The following NLRX1 variants were observed in gnomAD, a reference collection of about 807,000 sequenced individuals.
NLRX1 encodes NLR family member X1, also known as NOD-like receptor X1.
A neutral mutation model predicts 74.2 loss-of-function variants in NLRX1; 67 were observed. The ratio of observed to expected loss-of-function variants is 0.90; its 90% CI spans 0.74 to 1.11. The LOEUF (loss-of-function observed/expected upper bound fraction) is 1.11, where lower values mean the gene tolerates loss of function less well. Ranked by LOEUF, NLRX1 falls within the 50% of genes least tolerant of loss-of-function variation. NLRX1 has a pLI of 0.00. For missense variants in NLRX1, 1,191 were observed against 1,305.4 expected (o/e 0.91, Z 1.35); for synonymous variants, 506 against 559.1 (o/e 0.91, Z 1.34).
chr11:119,173,822 C>T lies in NLRX1; in HGVS notation c.573C>T (p.Phe191=), dbSNP rs201843637. 6.8e-5 allele frequency: 110 copies of T among 1,613,574 alleles called. No individual in the cohort carries two copies. In the East Asian group the frequency reaches 1.3e-3, roughly 19 times the overall value. ...LDWCYGRLPA[F]ELLIPFSCED... ...GGTGTTATGGGCGGCTGCCGGCCTT[C>T]GAGCTGCTCATCCCCTTCTCCTGTG... The change falls in exon 5 of 10, where the codon TTC becomes TTT. Residue 191 remains phenylalanine, a synonymous_variant. Transcript: ENST00000409109. The surrounding 1 kb of genome is among the most constrained non-coding windows in gnomAD (Gnocchi z 4.0).
rs1592326471 is a variant in NLRX1, at chr11:119,174,874, A to G, written c.1271A>G (p.Tyr424Cys). The G allele has an allele frequency of 6.2e-7, 1 of 1,614,068 alleles. No homozygotes were observed. ...TDPSNLSLMAYAARTMGKLAY... is the reference protein window; with the variant it reads ...TDPSNLSLMACAARTMGKLAY... The stretch of plus-strand genomic sequence containing the variant: ...CCCTCCAATTTGTCCCTGATGGCCT[A>G]TGCAGCCCGAACCATGGGCAAGTTG... Residue 424 changes from tyrosine to cysteine, a missense_variant, in exon 6 of 10, where the codon TAT (tyrosine) becomes TGT (cysteine). Transcript: ENST00000409109.
chr11:119,173,252 A>G lies in NLRX1; in HGVS notation c.230-227A>G, dbSNP rs1835053874. On this transcript the variant is annotated intron_variant, in intron 4 of 9. Transcript: ENST00000409109. This position sits in a 1 kb window ranked among gnomAD's most constrained non-coding sequence, Gnocchi z 4.0. ...GGTCAAGCAGGTTAAGACGGCACAT[A>G]GGTCACTGTGAAACCAGTTTGTCCA... The G allele has an allele frequency of 1.6e-6, 1 of 635,076 alleles. No individual in the cohort carries two copies. Among genetic ancestry groups the G allele is most frequent in the Non-Finnish European group, 2.7e-6 (1 of 367,050 alleles). 39.3% of individuals were successfully genotyped at this position (635,076 alleles called of 1,614,324 possible).
chr11:119,172,366 C>T lies in NLRX1; in HGVS notation c.81C>T (p.Ile27=), dbSNP rs776914089. ...TCCTTCTCTCTGTAGATGATCGTAT[C>T]CCCTTCCTGATCCACTGGAGTTGGC... ...RRALQRPDDR[I]PFLIHWSWPL... Residue 27 remains isoleucine (I), a synonymous_variant, in exon 3 of 10, where the codon ATC becomes ATT. Coordinates refer to ENST00000409109, the MANE Select transcript of NLRX1 (RefSeq NM_001282144.2). 2.5e-5 allele frequency: 41 copies of T among 1,613,392 alleles called. No homozygotes were observed. Among genetic ancestry groups the T allele is most frequent in the Non-Finnish European group, 3.4e-5 (40 of 1,179,424 alleles).
rs1206022760 is a variant in NLRX1, at chr11:119,174,994, A to G, written c.1391A>G (p.Gln464Arg). Residue 464 changes from glutamine (Q) to arginine (R), a missense_variant, in exon 6 of 10, where the codon CAG (glutamine) becomes CGG (arginine). Gln to Arg is a conservative substitution (Grantham distance 43). Transcript: ENST00000409109. ...GGCATCAGGACGGAGGAGGAGTTTC[A>G]GCTGCTGCACATCTTCCGTCGGGAT... Reference protein sequence around the residue: ...EAGIRTEEEFQLLHIFRRDAL... With the variant: ...EAGIRTEEEFRLLHIFRRDAL... The G allele has an allele frequency of 6.2e-7, 1 of 1,613,944 alleles. No individual in the cohort carries two copies. Among genetic ancestry groups the G allele is most frequent in the Non-Finnish European group, 8.5e-7 (1 of 1,180,052 alleles).
Position 119,173,279 on chromosome 11 carries a change from T to A in NLRX1, c.230-200T>A, listed in dbSNP as rs1386699592. ...GTCACTGTGAAACCAGTTTGTCCAG[T>A]GGCTTCCCACTTTCTGACATAGGGG... is the stretch of plus-strand genomic sequence containing the variant. On this transcript the variant is annotated intron_variant, in intron 4 of 9. Coordinates refer to ENST00000409109, the MANE Select transcript of NLRX1 (RefSeq NM_001282144.2). This position sits in a 1 kb window ranked among gnomAD's most constrained non-coding sequence, Gnocchi z 4.0. 3 of 687,726 alleles carry A rather than the reference T, an allele frequency of 4.4e-6. No homozygotes were observed. Among genetic ancestry groups the A allele is most frequent in the Non-Finnish European group, 7.3e-6 (3 of 409,956 alleles). 42.6% of individuals were successfully genotyped at this position (687,726 alleles called of 1,614,324 possible). A position where few individuals can be genotyped will look rare whatever the true frequency, so the allele number is the denominator to read the frequency against.
intron 8 of NLRX1, 32 bp downstream of exon 8, chr11:119,181,289 G>T (rs777451166): frequency 2.3e-5 from 36 of 1,547,916 alleles, no homozygotes; most frequent in Non-Finnish European, 3.1e-5. Flanking sequence ...CATCCTGGTG[G>T]CCAGCTAAGG....
rs1206992078 is a variant in NLRX1 at position 119,173,248 on chromosome 11, A to G, written c.230-231A>G. 1 of 632,070 alleles carries G rather than the reference A, an allele frequency of 1.6e-6. No homozygotes were observed. The highest frequency in any genetic ancestry group is 1.8e-5 in the African/African-American group (1 of 54,316). The allele number at this position is 632,070 out of a possible 1,614,324, so 39.2% of individuals were successfully genotyped here. A position where few individuals can be genotyped will look rare whatever the true frequency, so the allele number is the denominator to read the frequency against. ...GTTGGGTCAAGCAGGTTAAGACGGC[A>G]CATAGGTCACTGTGAAACCAGTTTG... is the stretch of plus-strand genomic sequence containing the variant. On this transcript the variant is annotated intron_variant, in intron 4 of 9. Coordinates refer to ENST00000409109, the MANE Select transcript of NLRX1 (RefSeq NM_001282144.2). The surrounding 1 kb of genome is among the most constrained non-coding windows in gnomAD (Gnocchi z 4.0).
At chr11:119,178,030 G>A (rs1176701887) in intron 6 of NLRX1, 1 of 152,188 alleles carries the variant, frequency 6.6e-6, no homozygotes, top group Non-Finnish European at 1.5e-5. Flanking sequence ...CAAGCCAGGT[G>A]CAGTGGGGCA....
At chr11:119,175,376 C>A in intron 6 of NLRX1, 102 bp downstream of exon 6, 3 of 972,540 alleles carry the variant, frequency 3.1e-6, no homozygotes, top group Non-Finnish European at 4.6e-6. Context: ...CCTTGCTCCT[C>A]TCCCAGCAGG....
rs565459577 is a variant in NLRX1, at chr11:119,173,017, A to G, written c.229+28A>G. 3.5e-5 allele frequency: 56 copies of G among 1,587,552 alleles called. No homozygotes were observed. The African/African-American group carries it at 4.2e-4, about 12-fold the overall frequency. ...AAAGGGACTGGCTGGGACCCTGGTC[A>G]GGGGGTGTGGTGGGCAGACGGGGCT... On this transcript the variant is annotated intron_variant, in intron 4 of 9. Coordinates refer to ENST00000409109, the MANE Select transcript of NLRX1 (RefSeq NM_001282144.2). The surrounding 1 kb of genome is among the most constrained non-coding windows in gnomAD (Gnocchi z 4.0).
At chr11:119,181,123 A>T in intron 7 of NLRX1, 48 bp from the exon 8 acceptor site, 1 of 1,351,154 alleles carries the variant, frequency 7.4e-7, no homozygotes, top group South Asian at 1.2e-5. Context: ...TGCCTGCTGA[A>T]TTCCCTCCCT....
At position 119,173,883 on chromosome 11, in the gene NLRX1, C is replaced by T. The variant is rs752414490; in HGVS notation, c.634C>T (p.Leu212=). The change falls in exon 5 of 10, where the codon CTG becomes TTG. Residue 212 remains leucine (L), a synonymous_variant. Transcript: ENST00000409109. The surrounding 1 kb of genome is among the most constrained non-coding windows in gnomAD (Gnocchi z 4.0). ...LSSLGPAPAS[L]CQLVAQRYTP... is the part of the protein sequence containing the mutation. ...ATCCCTGGGCCCTGCCCCAGCCTCC[C>T]TGTGCCAACTTGTGGCCCAGCGCTA... 4.1e-5 allele frequency: 66 copies of T among 1,613,434 alleles called. No homozygotes were observed. Among genetic ancestry groups the T allele is most frequent in the Middle Eastern group, 1.6e-4 (1 of 6,084 alleles).
chr11:119,179,836 G>A lies in NLRX1; in HGVS notation c.1815G>A (p.Glu605=). The A allele has an allele frequency of 1.2e-6, 2 of 1,614,030 alleles. No individual in the cohort carries two copies. Among genetic ancestry groups the A allele is most frequent in the Non-Finnish European group, 1.7e-6 (2 of 1,180,002 alleles). The part of the protein sequence containing the change: ...DQMGASILGV[E]GPRRHPDEPP... ...TGGGCGCCAGTATCCTGGGCGTGGA[G>A]GGCCCCCGGCGCCACCCAGATGAGC... The change falls in exon 7 of 10, where the codon GAG becomes GAA. Residue 605 remains glutamate (E), a synonymous_variant. Coordinates refer to ENST00000409109, the MANE Select transcript of NLRX1 (RefSeq NM_001282144.2).
rs768069674 is a variant in NLRX1 at position 119,173,039 on chromosome 11, G to A, written c.229+50G>A. Reference sequence around the variant, plus strand: ...GTCAGGGGGTGTGGTGGGCAGACGGGGCTGGAAGGAGAAGCAGGGTGAGGG... The same window carrying A: ...GTCAGGGGGTGTGGTGGGCAGACGGAGCTGGAAGGAGAAGCAGGGTGAGGG... On this transcript the variant is annotated intron_variant, in intron 4 of 9. Transcript: ENST00000409109. The surrounding 1 kb of genome is among the most constrained non-coding windows in gnomAD (Gnocchi z 4.0). 1.3e-5 allele frequency: 18 copies of A among 1,436,818 alleles called. No homozygotes were observed. Among genetic ancestry groups the A allele is most frequent in the Non-Finnish European group, 1.8e-5 (18 of 1,021,168 alleles). 89.0% of individuals were successfully genotyped at this position (1,436,818 alleles called of 1,614,324 possible).
At position 119,175,183 on chromosome 11, in the gene NLRX1, G is replaced by A; in HGVS notation, c.1580G>A (p.Gly527Asp). The A allele has an allele frequency of 6.2e-7, 1 of 1,614,194 alleles. No individual in the cohort carries two copies. Among genetic ancestry groups the A allele is most frequent in the African/African-American group, 1.3e-5 (1 of 75,054 alleles). ...GGCAAGGAAGTGGCTGAGCTCGTGG[G>A]CCGTGTTGGGGAGGACGTCAGCCTG... is the stretch of plus-strand genomic sequence containing the variant. ...KVGKEVAELVGRVGEDVSLVL... is the reference protein window; with the variant it reads ...KVGKEVAELVDRVGEDVSLVL... Residue 527 changes from glycine to aspartate, a missense_variant, in exon 6 of 10, where the codon GGC (glycine) becomes GAC (aspartate). Coordinates refer to ENST00000409109, the MANE Select transcript of NLRX1 (RefSeq NM_001282144.2).
chr11:119,172,489 A>G, intron 3 of NLRX1, 64 bp downstream of exon 3: 1 of 1,254,236 alleles, frequency 8.0e-7, no homozygotes, highest in East Asian at 2.3e-5. Context: ...GGGAAGGGTC[A>G]GGACTTGGGG....
At chr11:119,181,965 G>A in intron 8 of NLRX1, 129 bp from the exon 9 acceptor site, 1 of 1,090,056 alleles carries the variant, frequency 9.2e-7, no homozygotes, top group African/African-American at 1.6e-5. Flanking sequence ...CCCCATGCAG[G>A]GCCCTCTTTG....
In NLRX1 at chr11:119,173,547, T is replaced by C; in HGVS notation, c.298T>C (p.Phe100Leu). Residue 100 changes from phenylalanine (F) to leucine (L), a missense_variant, in exon 5 of 10, where the codon TTT becomes CTT. Physicochemically the swap from Phe to Leu is conservative, Grantham distance 22. Transcript: ENST00000409109. This position sits in a 1 kb window ranked among gnomAD's most constrained non-coding sequence, Gnocchi z 4.0. ...FSRLPREERQ[F>L]GPTFALDTVH... ...CCGGCTGCCCAGGGAGGAGCGCCAGTTTGGCCCAACCTTTGCCCTAGACAC... is the reference window on the plus strand; with the variant it reads ...CCGGCTGCCCAGGGAGGAGCGCCAGCTTGGCCCAACCTTTGCCCTAGACAC... 1 of 1,614,118 alleles carries C rather than the reference T, an allele frequency of 6.2e-7. No individual in the cohort carries two copies.
At position 119,184,009 on chromosome 11, in the gene NLRX1, T is replaced by G. The variant is rs1189621773; in HGVS notation, c.*570T>G. 1.4e-6 allele frequency: 1 copy of G among 724,870 alleles called. No individual in the cohort carries two copies. Among genetic ancestry groups the G allele is most frequent in the South Asian group, 1.5e-5 (1 of 66,646 alleles). The allele number at this position is 724,870 out of a possible 1,614,324, so 44.9% of individuals were successfully genotyped here. A position where few individuals can be genotyped will look rare whatever the true frequency, so the allele number is the denominator to read the frequency against. On this transcript the variant is annotated 3_prime_UTR_variant, in exon 10 of 10. Transcript: ENST00000409109. The stretch of plus-strand genomic sequence containing the variant: ...GCTGCTATTAAAAAGCCGTGTGCCT[T>G]CTACCAATTGTGGCCTCTTCTTTAC...
Sources: allele counts gnomAD v4.1 joint callset, GRCh38; gene constraint gnomAD v4.1.1; non-coding constraint Gnocchi (gnomAD v3.1); transcripts MANE v1.5; gene names NCBI Gene and HGNC (gene_info 2026-07-23, HGNC 2026-07-21).